The following SETD3 variants were observed in gnomAD, a reference collection of about 807,000 sequenced individuals.
SETD3 encodes actin-histidine N-methyltransferase.
SETD3 carries 19 observed loss-of-function variants against 63.0 expected under a neutral mutation model. The observed-to-expected ratio is 0.30, with a 90% confidence interval of 0.21 to 0.44. SETD3 has a LOEUF of 0.44. Ranked by LOEUF, SETD3 falls within the 20% of genes least tolerant of loss-of-function variation. The pLI, the probability that SETD3 is intolerant of heterozygous loss-of-function variation, is 1.00. For synonymous variants in SETD3, 286 were observed against 264.1 expected (o/e 1.08, Z -0.80); for missense variants, 587 against 728.5 (o/e 0.81, Z 2.24).
chr14:99,460,832 A>G (rs7147591), intron 4 of SETD3, among the ~76,000 whole-genome samples: 1,923 of 152,216 alleles, frequency 0.013, 40 homozygotes, highest in African/African-American at 0.044. Flanking sequence ...GCATACCCAC[A>G]CCGCCAGTCC....
At chr14:99,481,245 A>T, upstream of SETD3, 1 of 395,090 alleles carries the variant, frequency 2.5e-6, no homozygotes, top group Non-Finnish European at 4.5e-6. Context: ...CTCCCTCTGT[A>T]AGCAGCAGCC....
At chr14:99,465,657 G>A in intron 2 of SETD3, 46 bp downstream of exon 2, 1 of 1,473,962 alleles carries the variant, frequency 6.8e-7, no homozygotes, top group Non-Finnish European at 9.4e-7. Context: ...GAAGAAAAAG[G>A]CACAGCCACC....
rs776411142 is a variant in SETD3 at position 99,458,310 on chromosome 14, C to T, written c.644G>A (p.Arg215Gln). 6.2e-6 allele frequency: 10 copies of T among 1,614,110 alleles called. No homozygotes were observed. Among genetic ancestry groups the T allele is most frequent in the Non-Finnish European group, 7.6e-6 (9 of 1,180,016 alleles). ...GACTTTATAGAAGTAGGCGTACTGT[C>T]GAGCTGTGTTTTTATACTGGCTGAA... is the stretch of plus-strand genomic sequence containing the variant. ...DVFSQYKNTA[R>Q]QYAYFYKVIQ... Residue 215 changes from arginine (R) to glutamine (Q), a missense_variant, in exon 6 of 13, where the codon CGA (arginine) becomes CAA (glutamine). Coordinates refer to ENST00000331768, the MANE Select transcript of SETD3 (RefSeq NM_032233.3).
intron 1 of SETD3, among the ~76,000 whole-genome samples, 176 bp downstream of exon 1, chr14:99,480,552 C>G (rs1896244909): frequency 6.6e-6 from 1 of 150,810 alleles, no homozygotes; most frequent in Non-Finnish European, 1.5e-5. Flanking sequence ...CGAGCGCACA[C>G]CTGCCCCTTC....
chr14:99,420,947 CGGGGGGGGGGGGGGGGGGGG>C (rs559807226), intron 6 of SETD3, among the ~76,000 whole-genome samples: 2 of 7,372 alleles, frequency 2.7e-4, no homozygotes, highest in Non-Finnish European at 1.0e-3. Flanking sequence ...CAGGCGAGGG[CGGGGGGGGGGGGGGGGGGGG>C]GGGGGGGGGT....
chr14:99,463,225 A>T (rs933760548), intron 3 of SETD3, among the ~76,000 whole-genome samples: 1 of 152,264 alleles, frequency 6.6e-6, no homozygotes, highest in Non-Finnish European at 1.5e-5. Context: ...AATAAATAAA[A>T]TTGTATCATT....
At chr14:99,437,011 C>T (rs932751048) in intron 6 of SETD3, among the ~76,000 whole-genome samples, 2 of 152,090 alleles carry the variant, frequency 1.3e-5, no homozygotes, top group African/African-American at 4.8e-5. Context: ...AGCACAGTAC[C>T]GTGGATAGAG....
chr14:99,404,594 A>T (rs1891579419), intron 10 of SETD3, among the ~76,000 whole-genome samples: 1 of 151,500 alleles, frequency 6.6e-6, no homozygotes. Context: ...TACATTCAAA[A>T]ATTAAACATA....
Position 99,410,181 on chromosome 14 carries a change from G to C in SETD3, c.849+2770C>G, listed in dbSNP as rs771381696. 12 of 1,612,812 alleles carry C rather than the reference G, an allele frequency of 7.4e-6. No individual in the cohort carries two copies. In the African/African-American group the frequency reaches 1.5e-4, roughly 20 times the overall value. On this transcript the variant is annotated intron_variant, in intron 8 of 12. Coordinates refer to ENST00000331768, the MANE Select transcript of SETD3 (RefSeq NM_032233.3). The stretch of plus-strand genomic sequence containing the variant: ...CCTAAGGAATGGAGGGTCTTAGGCA[G>C]AGGCGACAGCAAGAGCGAAGGAATC...
intron 11 of SETD3, among the ~76,000 whole-genome samples, chr14:99,400,871 G>A (rs756537298): frequency 2.6e-5 from 4 of 152,344 alleles, no homozygotes; most frequent in South Asian, 2.1e-4. Context: ...CGGGCGCAGT[G>A]GCTCACGCCT....
rs781160960 is a variant in SETD3, at chr14:99,405,417, G to A, written c.925-46C>T. The A allele has an allele frequency of 4.4e-6, 7 of 1,588,102 alleles. No individual in the cohort carries two copies. The Admixed American group carries it at 1.1e-4, about 24-fold the overall frequency. On this transcript the variant is annotated intron_variant, in intron 9 of 12. Coordinates refer to ENST00000331768, the MANE Select transcript of SETD3 (RefSeq NM_032233.3). ...AAGAAAAGGGCATTAGACAAACTTGGCATGTATTCTTAACACAGGGCAGGG... is the reference window on the plus strand; with the variant it reads ...AAGAAAAGGGCATTAGACAAACTTGACATGTATTCTTAACACAGGGCAGGG...
intron 1 of SETD3, among the ~76,000 whole-genome samples, chr14:99,466,246 A>C (rs1895365208): frequency 6.6e-6 from 1 of 152,244 alleles, no homozygotes; most frequent in Non-Finnish European, 1.5e-5. Flanking sequence ...TAACTGTATC[A>C]TAAGCAACTG....
At chr14:99,457,916 A>C (rs1369779984) in intron 6 of SETD3, among the ~76,000 whole-genome samples, 1 of 152,248 alleles carries the variant, frequency 6.6e-6, no homozygotes, top group Non-Finnish European at 1.5e-5. Context: ...ATAGAAAAAA[A>C]TTAACCCTCA....
At chr14:99,399,690 T>C (rs1891275382) in intron 12 of SETD3, among the ~76,000 whole-genome samples, 1 of 152,124 alleles carries the variant, frequency 6.6e-6, no homozygotes, top group Non-Finnish European at 1.5e-5. Context: ...AATGCAATCA[T>C]TTTGCTAAAC....
chr14:99,469,618 G>A lies in SETD3; in HGVS notation c.-8-3805C>T, dbSNP rs117620910. On this transcript the variant is annotated intron_variant, in intron 1 of 12. Coordinates refer to ENST00000331768, the MANE Select transcript of SETD3 (RefSeq NM_032233.3). ...AAATTAGCTGGGCACCGTGGCGCAAGCCTGTAGTCCCCAGATACTCAGGAG... is the reference window on the plus strand; with the variant it reads ...AAATTAGCTGGGCACCGTGGCGCAAACCTGTAGTCCCCAGATACTCAGGAG... Among the ~76,000 whole-genome samples the A allele has an allele frequency of 4.0e-3, 607 of 152,334 alleles. 2 individuals carry two copies. Among genetic ancestry groups the A allele is most frequent in the Non-Finnish European group, 6.0e-3 (407 of 68,038 alleles).
At chr14:99,481,776 A>G (rs1268043091), upstream of SETD3, among the ~76,000 whole-genome samples, 1 of 152,222 alleles carries the variant, frequency 6.6e-6, no homozygotes, top group African/African-American at 2.4e-5. Context: ...GGGGTTGGGC[A>G]AAAGGGGCAG....
At chr14:99,427,064 C>T (rs557516517) in intron 6 of SETD3, among the ~76,000 whole-genome samples, 47 of 152,270 alleles carry the variant, frequency 3.1e-4, no homozygotes, top group South Asian at 1.2e-3. Context: ...GGGGAGCATC[C>T]GGAGCGCCTC....
At chr14:99,449,858 G>A (rs1894358789) in intron 6 of SETD3, among the ~76,000 whole-genome samples, 1 of 152,224 alleles carries the variant, frequency 6.6e-6, no homozygotes, top group South Asian at 2.1e-4. Context: ...TTTTGCAACT[G>A]TTTTGTAAGT....
chr14:99,470,121 A>G (rs1166202295), intron 1 of SETD3, among the ~76,000 whole-genome samples: 1 of 152,084 alleles, frequency 6.6e-6, no homozygotes, highest in East Asian at 1.9e-4. Flanking sequence ...GGGACTGCTC[A>G]TGTTCCTCCC....
Sources: gnomAD v4.1 joint callset for allele counts (sites outside exome capture counted in the v4.1 genomes callset) on GRCh38, gnomAD v4.1.1 for gene constraint, MANE v1.5 for transcripts, NCBI Gene and HGNC (gene_info 2026-07-23, HGNC 2026-07-21) for gene names.